Variants in GCLC observed in about 807,000 individuals in gnomAD.
GCLC encodes glutamate--cysteine ligase catalytic subunit.
GCLC carries 30 observed loss-of-function variants against 81.5 expected under a neutral mutation model. The observed-to-expected ratio is 0.37, with a 90% CI of 0.28 to 0.50. GCLC has a LOEUF of 0.50. Among genes scored for constraint, GCLC ranks in the 20% least tolerant of loss-of-function variants. The pLI is 0.96. For missense variants in GCLC, 556 were observed against 777.4 expected, an observed-to-expected ratio of 0.72 and a Z score of 3.39; for synonymous variants, 262 against 273.3, an observed-to-expected ratio of 0.96 and a Z score of 0.41.
intron 1 of GCLC, among the ~76,000 whole-genome samples, chr6:53,534,051 T>C (rs144178112): frequency 0.022 from 3,377 of 152,314 alleles, 105 homozygotes; most frequent in African/African-American, 0.076. Flanking sequence ...TGCCTCGGCC[T>C]CCCAAAGTGC....
At chr6:53,542,149 C>A (rs1382056305) in intron 1 of GCLC, among the ~76,000 whole-genome samples, 1 of 152,172 alleles carries the variant, frequency 6.6e-6, no homozygotes, top group African/African-American at 2.4e-5. Flanking sequence ...CCACGCCCAG[C>A]CATTATTAGA....
Position 53,514,497 on chromosome 6 carries a change from AC to A in GCLC, c.561-1del. The A allele has an allele frequency of 6.2e-7, 1 of 1,611,260 alleles. No individual in the cohort carries two copies. Among genetic ancestry groups the A allele is most frequent in the Non-Finnish European group, 8.5e-7 (1 of 1,177,406 alleles). On this transcript the variant is annotated splice_acceptor_variant, in intron 4 of 15. Transcript: ENST00000650454. LOFTEE classifies it high-confidence loss of function. Reference sequence around the variant, plus strand: ...TATGTCGGATATTTCTTGTTAAGGTACTAAAACAGACAACCAAACGTCATAA... The same window carrying A: ...TATGTCGGATATTTCTTGTTAAGGTATAAAACAGACAACCAAACGTCATAA...
chr6:53,518,711 G>T (rs1001354940), intron 3 of GCLC, among the ~76,000 whole-genome samples: 5 of 152,084 alleles, frequency 3.3e-5, no homozygotes, highest in Non-Finnish European at 7.3e-5. Context: ...AACAGTTCTG[G>T]TTTGTGTTAC....
intron 1 of GCLC, among the ~76,000 whole-genome samples, chr6:53,541,351 A>C (rs1211017764): frequency 6.6e-6 from 1 of 152,214 alleles, no homozygotes; most frequent in African/African-American, 2.4e-5. Flanking sequence ...AGGAGGAAAA[A>C]GTAGAGTGGG....
At chr6:53,541,360 G>A (rs560943211) in intron 1 of GCLC, among the ~76,000 whole-genome samples, 18 of 152,266 alleles carry the variant, frequency 1.2e-4, no homozygotes, top group Non-Finnish European at 2.5e-4. Flanking sequence ...AAGTAGAGTG[G>A]GGCTTCTTTT....
chr6:53,537,571 C>A (rs892276932), intron 1 of GCLC, among the ~76,000 whole-genome samples: 23 of 151,984 alleles, frequency 1.5e-4, no homozygotes, highest in African/African-American at 5.1e-4. Context: ...GATGGTGTCA[C>A]TGCACTCTAG....
intron 1 of GCLC, 45 bp from the exon 2 acceptor site, chr6:53,522,572 G>C (rs1763017258): frequency 1.6e-6 from 2 of 1,224,414 alleles, no homozygotes; most frequent in African/African-American, 3.0e-5. Flanking sequence ...TTCCAGACTT[G>C]TTTTCAGTGT....
intron 1 of GCLC, among the ~76,000 whole-genome samples, chr6:53,537,897 C>T (rs932348724): frequency 1.3e-5 from 2 of 151,870 alleles, no homozygotes; most frequent in Admixed American, 6.6e-5. Context: ...CAAACCACCT[C>T]ACTAATATTA....
rs984996907 is a variant in GCLC at position 53,518,868 on chromosome 6, C to T, written c.446+1910G>A. Among the ~76,000 whole-genome samples, 3 of 152,196 alleles carry T rather than the reference C, an allele frequency of 2.0e-5. No individual in the cohort carries two copies. The East Asian group carries it at 5.8e-4, about 29-fold the overall frequency. On this transcript the variant is annotated intron_variant, in intron 3 of 15. Transcript: ENST00000650454. ...TCTGTAACCTACTCCTTGGCCTCTA[C>T]TCTAGTACTCTTAAGGTTTTCAGGA...
At chr6:53,511,157 A>G (rs1044132755) in intron 6 of GCLC, among the ~76,000 whole-genome samples, 1 of 141,484 alleles carries the variant, frequency 7.1e-6, no homozygotes. Context: ...AGCATCTGAT[A>G]CCTGGTTAGT....
chr6:53,514,952 T>C (rs1464595293), intron 4 of GCLC, among the ~76,000 whole-genome samples: 6 of 152,332 alleles, frequency 3.9e-5, no homozygotes, highest in Admixed American at 2.0e-4. Context: ...TCCAGACTCA[T>C]GCTTGTTTAG....
At chr6:53,529,923 C>T (rs987820210) in intron 1 of GCLC, among the ~76,000 whole-genome samples, 32 of 152,228 alleles carry the variant, frequency 2.1e-4, no homozygotes, top group African/African-American at 7.2e-4. Flanking sequence ...GGCGGTGCCC[C>T]GCTCAGGGCC....
In GCLC at chr6:53,520,941, G is replaced by A; in HGVS notation, c.283C>T (p.Pro95Ser). The A allele has an allele frequency of 6.2e-7, 1 of 1,613,326 alleles. No individual in the cohort carries two copies. Reference sequence around the variant, plus strand: ...TCAATCATGTAACTCCCATACTCTGGTCTCCAAAGGGTAGGATGGCTACGG... The same window carrying A: ...TCAATCATGTAACTCCCATACTCTGATCTCCAAAGGGTAGGATGGCTACGG... ...TNPNHPTLWRPEYGSYMIEGT... is the reference protein window; with the variant it reads ...TNPNHPTLWRSEYGSYMIEGT... Residue 95 changes from proline (P) to serine (S), a missense_variant, in exon 3 of 16, where the codon CCA becomes TCA. By Grantham distance (74) the Pro-to-Ser change is moderately conservative. This residue lies in a region of GCLC where 234 missense variants were observed against 303.8 expected (regional missense o/e 0.77). Transcript: ENST00000650454.
At chr6:53,538,152 T>A (rs1267725300) in intron 1 of GCLC, among the ~76,000 whole-genome samples, 3 of 140,440 alleles carry the variant, frequency 2.1e-5, no homozygotes, top group Admixed American at 7.2e-5. Context: ...TTTTTTTTTT[T>A]TTTTTTTTTT....
At chr6:53,536,124 G>A (rs926369980) in intron 1 of GCLC, among the ~76,000 whole-genome samples, 1 of 152,208 alleles carries the variant, frequency 6.6e-6, no homozygotes, top group Admixed American at 6.5e-5. Flanking sequence ...ACTGACACAT[G>A]TAACAACATG....
At chr6:53,538,311 C>T (rs1763292708) in intron 1 of GCLC, among the ~76,000 whole-genome samples, 1 of 149,098 alleles carries the variant, frequency 6.7e-6, no homozygotes, top group African/African-American at 2.5e-5. Flanking sequence ...GCCACCATGC[C>T]TGGCAAGCTA....
At chr6:53,508,544 C>T in intron 8 of GCLC, 51 bp downstream of exon 8, 1 of 1,044,950 alleles carries the variant, frequency 9.6e-7, no homozygotes, top group Non-Finnish European at 1.5e-6. Context: ...TACAAAAGAT[C>T]CATTTTACCT....
chr6:53,524,554 C>T (rs536060490), intron 1 of GCLC, among the ~76,000 whole-genome samples: 4 of 152,158 alleles, frequency 2.6e-5, no homozygotes, highest in African/African-American at 9.7e-5. Context: ...CAGGACGGAA[C>T]CCACTTACTC....
intron 1 of GCLC, among the ~76,000 whole-genome samples, chr6:53,529,070 C>T (rs1028430909): frequency 6.6e-6 from 1 of 152,150 alleles, no homozygotes; most frequent in South Asian, 2.1e-4. Flanking sequence ...TTTAAAATTA[C>T]TTAACATAAA....
Sources: allele counts gnomAD v4.1 joint callset (sites outside exome capture counted in the v4.1 genomes callset), GRCh38; gene constraint gnomAD v4.1.1; regional missense constraint gnomAD v4.1.1; transcripts MANE v1.5; gene names NCBI Gene and HGNC (gene_info 2026-07-23, HGNC 2026-07-21).